Variants in UGT2B7 observed in about 807,000 individuals in gnomAD.
The protein encoded by UGT2B7 is UDP glucuronosyltransferase family 2 member B7, also known as UDP-glucuronosyltransferase 2B7.
A neutral mutation model predicts 51.9 loss-of-function variants in UGT2B7; 51 were observed. That is an observed-to-expected ratio of 0.98 (90% CI 0.78 to 1.24). The LOEUF is 1.24. Ranked by LOEUF, UGT2B7 falls within the 50% of genes most tolerant of loss-of-function variation. The pLI is 0.00. For synonymous variants in UGT2B7, 225 were observed against 211.6 expected (o/e 1.06, Z -0.55); for missense variants, 727 against 628.4 (o/e 1.16, Z -1.68).
chr4:69,111,109 G>GA (rs1719758951), intron 5 of UGT2B7, among the ~76,000 whole-genome samples: 1 of 152,072 alleles, frequency 6.6e-6, no homozygotes, highest in Non-Finnish European at 1.5e-5. Context: ...GAGCGGGAGA[G>GA]AGGGGAAAAA....
At chr4:69,074,427 A>AATATATATATATAT (rs143693621) in intron 1 of UGT2B7, among the ~76,000 whole-genome samples, 1,774 of 115,972 alleles carry the variant, frequency 0.015, 36 homozygotes, top group African/African-American at 0.027. Context: ...CCTTATCTTA[A>AATATATATATATAT]ATATATATAT....
intron 1 of UGT2B7, among the ~76,000 whole-genome samples, chr4:69,083,157 A>G (rs1445080838): frequency 1.3e-5 from 2 of 152,096 alleles, no homozygotes; most frequent in East Asian, 3.9e-4. Flanking sequence ...ATTTCAAAAT[A>G]TTACTGCTTA....
chr4:69,091,046 T>C (rs1156569886), intron 2 of UGT2B7, among the ~76,000 whole-genome samples: 1 of 152,192 alleles, frequency 6.6e-6, no homozygotes, highest in Non-Finnish European at 1.5e-5. Flanking sequence ...CATTCTGTTC[T>C]TTATTGGAAA....
intron 1 of UGT2B7, among the ~76,000 whole-genome samples, chr4:69,084,853 G>A (rs4454000): frequency 0.58 from 87,691 of 151,890 alleles, 26,303 homozygotes; most frequent in African/African-American, 0.71. Context: ...CATTTTCTTT[G>A]TCCAGTCTAT....
intron 1 of UGT2B7, among the ~76,000 whole-genome samples, chr4:69,075,393 C>G (rs1226906499): frequency 6.6e-6 from 1 of 152,116 alleles, no homozygotes; most frequent in Non-Finnish European, 1.5e-5. Flanking sequence ...ACCTTTTCCT[C>G]TCTTTCTCTC....
Position 69,097,163 on chromosome 4 carries a change from A to G in UGT2B7, c.643A>G (p.Ile215Val). Residue 215 changes from isoleucine (I) to valine (V), a missense_variant, in exon 1 of 6, where the codon ATC becomes GTC. Coordinates refer to ENST00000305231, the MANE Select transcript of UGT2B7 (RefSeq NM_001074.4). The part of the protein sequence containing the change: ...MTFMERVKNM[I>V]YVLYFDFWFE... ...TTTCATGGAGAGGGTAAAAAATATG[A>G]TCTATGTGCTTTACTTTGACTTTTG... 1 of 1,613,386 alleles carries G rather than the reference A, an allele frequency of 6.2e-7. No individual in the cohort carries two copies. The highest frequency in any genetic ancestry group is 8.5e-7 in the Non-Finnish European group (1 of 1,179,582).
intron 5 of UGT2B7, among the ~76,000 whole-genome samples, chr4:69,111,776 A>G (rs1044383132): frequency 6.6e-6 from 1 of 152,218 alleles, no homozygotes; most frequent in Non-Finnish European, 1.5e-5. Flanking sequence ...TAACTTTCTC[A>G]GCTAACATTC....
chr4:69,075,948 G>A (rs1037686302), intron 1 of UGT2B7, among the ~76,000 whole-genome samples: 1 of 151,218 alleles, frequency 6.6e-6, no homozygotes, highest in African/African-American at 2.4e-5. Context: ...CCCCATAACA[G>A]GCCCCACTGT....
At chr4:69,081,253 T>G (rs746658108) in intron 1 of UGT2B7, among the ~76,000 whole-genome samples, 1 of 152,168 alleles carries the variant, frequency 6.6e-6, no homozygotes, top group Non-Finnish European at 1.5e-5. Context: ...CAGCATCAGA[T>G]GTAGTCAGTA....
intron 1 of UGT2B7, among the ~76,000 whole-genome samples, chr4:69,082,940 T>C (rs962596950): frequency 6.6e-6 from 1 of 152,070 alleles, no homozygotes; most frequent in African/African-American, 2.4e-5. Context: ...ATTCAGCTGG[T>C]GAGTTTAGTT....
intron 1 of UGT2B7, among the ~76,000 whole-genome samples, chr4:69,088,954 G>T (rs1409661510): frequency 6.6e-6 from 1 of 152,038 alleles, no homozygotes; most frequent in Non-Finnish European, 1.5e-5. Context: ...GTGTGGAAGG[G>T]GTGCCATAAT....
At chr4:69,070,468 C>T (rs1718577627) in intron 1 of UGT2B7, among the ~76,000 whole-genome samples, 1 of 149,920 alleles carries the variant, frequency 6.7e-6, no homozygotes, top group African/African-American at 2.4e-5. Flanking sequence ...GAGCAAGATC[C>T]TTGTTAAAAA....
intron 1 of UGT2B7, among the ~76,000 whole-genome samples, chr4:69,076,540 T>C (rs993095747): frequency 4.6e-5 from 7 of 152,242 alleles, no homozygotes; most frequent in Non-Finnish European, 1.5e-5. Context: ...TGAGTGATAA[T>C]GAGCTTTTTT....
chr4:69,087,908 G>A (rs1162719136), intron 1 of UGT2B7, among the ~76,000 whole-genome samples: 3 of 151,692 alleles, frequency 2.0e-5, no homozygotes, highest in Non-Finnish European at 4.4e-5. Context: ...AATTTAAATA[G>A]GATGTGCCTT....
chr4:69,107,082 C>A (rs2080690152), intron 3 of UGT2B7, 93 bp from the exon 4 acceptor site: 7 of 1,341,608 alleles, frequency 5.2e-6, no homozygotes, highest in Non-Finnish European at 7.2e-6. Context: ...TTACTAACAT[C>A]CCTTGATCTC....
At chr4:69,089,841 T>C (rs1410787774) in intron 2 of UGT2B7, among the ~76,000 whole-genome samples, 3 of 152,186 alleles carry the variant, frequency 2.0e-5, no homozygotes, top group African/African-American at 7.2e-5. Context: ...AAAATGAAAA[T>C]AAAATATTAA....
intron 5 of UGT2B7, among the ~76,000 whole-genome samples, chr4:69,108,773 A>C (rs550398360): frequency 5.3e-5 from 8 of 151,278 alleles, no homozygotes; most frequent in East Asian, 3.9e-4. Context: ...ATAGCATAAA[A>C]CCCCCCTGTT....
At chr4:69,060,768 A>G (rs909077660) in intron 1 of UGT2B7, among the ~76,000 whole-genome samples, 2 of 152,232 alleles carry the variant, frequency 1.3e-5, no homozygotes, top group African/African-American at 4.8e-5. Context: ...TACTGCACTC[A>G]GTTATAACTT....
chr4:69,060,167 G>A (rs1718312466), intron 1 of UGT2B7, among the ~76,000 whole-genome samples: 1 of 152,288 alleles, frequency 6.6e-6, no homozygotes, highest in South Asian at 2.1e-4. Context: ...GCTTCGAGGG[G>A]ACCCAAGACC....
Sources: gnomAD v4.1 joint callset for allele counts (sites outside exome capture counted in the v4.1 genomes callset) on GRCh38, gnomAD v4.1.1 for gene constraint, MANE v1.5 for transcripts, NCBI Gene and HGNC (gene_info 2026-07-23, HGNC 2026-07-21) for gene names.